GRIP1: variants seen among roughly 807,000 people sequenced by gnomAD.
The protein encoded by GRIP1 is glutamate receptor-interacting protein 1.
Under a neutral mutation model 129.9 loss-of-function variants are expected in GRIP1, and 45 were observed. The ratio of observed to expected loss-of-function variants is 0.35; its 90% confidence interval spans 0.27 to 0.44. The LOEUF is 0.44. GRIP1 is among the 20% of genes least tolerant of loss of function. The pLI is 1.00. For synonymous variants in GRIP1, 530 were observed against 520.8 expected (o/e 1.02, Z -0.24); for missense variants, 1,196 against 1,396.8 (o/e 0.86, Z 2.29).
At chr12:67,001,173 C>A (rs897572438) in intron 1 of GRIP1, among the ~76,000 whole-genome samples, 1 of 152,136 alleles carries the variant, frequency 6.6e-6, no homozygotes, top group Non-Finnish European at 1.5e-5. Flanking sequence ...TCTGGTCCTA[C>A]CAGATATTTT....
intron 1 of GRIP1, among the ~76,000 whole-genome samples, chr12:66,840,731 C>T (rs1387035210): frequency 6.6e-6 from 1 of 152,076 alleles, no homozygotes; most frequent in Non-Finnish European, 1.5e-5. Flanking sequence ...AACAAGAGTC[C>T]CCAAACTCTC....
chr12:66,435,146 A>G (rs1042754348), intron 13 of GRIP1, among the ~76,000 whole-genome samples: 2 of 152,156 alleles, frequency 1.3e-5, no homozygotes, highest in East Asian at 3.9e-4. Context: ...ATGGCCCATA[A>G]GTAAATGTGC....
intron 1 of GRIP1, among the ~76,000 whole-genome samples, chr12:66,931,575 A>G (rs1265509856): frequency 1.3e-5 from 2 of 152,214 alleles, no homozygotes; most frequent in African/African-American, 4.8e-5. Context: ...CTAAGCAAAA[A>G]TAATAGGCAT....
At position 66,445,488 on chromosome 12, in the gene GRIP1, C is replaced by T. The variant is rs1271838825; in HGVS notation, c.1375G>A (p.Val459Ile). 6.2e-7 allele frequency: 1 copy of T among 1,613,576 alleles called. No homozygotes were observed. The highest frequency in any genetic ancestry group is 1.7e-5 in the Admixed American group (1 of 59,998). ...TGAACAACCTGCCCAGCCAATCCTACTGTGCTGGAGGCTAAGGACACTAGA... is the reference window on the plus strand; with the variant it reads ...TGAACAACCTGCCCAGCCAATCCTATTGTGCTGGAGGCTAAGGACACTAGA... Reference protein sequence around the residue: ...KSSLSLASSTVGLAGQVVHTE... With the variant: ...KSSLSLASSTIGLAGQVVHTE... Residue 459 changes from valine to isoleucine, a missense_variant, in exon 12 of 25, where the codon GTA (valine) becomes ATA (isoleucine). By Grantham distance (29) the Val-to-Ile change is conservative. Around this residue, in one of 5 missense-constraint regions of GRIP1, gnomAD observed 508 missense variants for 587.0 expected, o/e 0.87. Coordinates refer to ENST00000359742, the MANE Select transcript of GRIP1 (RefSeq NM_001366722.1).
intron 1 of GRIP1, among the ~76,000 whole-genome samples, chr12:66,874,762 T>C (rs2040355291): frequency 6.6e-6 from 1 of 151,900 alleles, no homozygotes; most frequent in Non-Finnish European, 1.5e-5. Context: ...TGAGAATTTT[T>C]CCCCCATGAT....
intron 1 of GRIP1, among the ~76,000 whole-genome samples, chr12:66,928,335 G>C (rs1194677648): frequency 6.6e-6 from 1 of 152,150 alleles, no homozygotes; most frequent in African/African-American, 2.4e-5. Flanking sequence ...TGTGATTATT[G>C]TTGGGAAAGG....
intron 14 of GRIP1, among the ~76,000 whole-genome samples, chr12:66,425,152 G>T (rs2057939239): frequency 6.6e-6 from 1 of 152,146 alleles, no homozygotes; most frequent in African/African-American, 2.4e-5. Context: ...GCTGAGTAAA[G>T]AATTCTAGGC....
intron 1 of GRIP1, among the ~76,000 whole-genome samples, chr12:66,709,630 C>G (rs943257499): frequency 1.3e-5 from 2 of 151,828 alleles, no homozygotes; most frequent in African/African-American, 4.8e-5. Flanking sequence ...GGAAAGGGTA[C>G]TGTGTTACCT....
chr12:66,908,251 T>C (rs1195193214), intron 1 of GRIP1, among the ~76,000 whole-genome samples: 1 of 152,024 alleles, frequency 6.6e-6, no homozygotes, highest in African/African-American at 2.4e-5. Flanking sequence ...AACACAGCTT[T>C]TTTGGCAGGA....
chr12:66,451,391 T>G (rs1028551165), intron 11 of GRIP1, among the ~76,000 whole-genome samples: 5 of 48,940 alleles, frequency 1.0e-4, no homozygotes, highest in African/African-American at 2.9e-4. Flanking sequence ...CTGTTTTTTT[T>G]TTTTTTTTTT....
chr12:66,972,548 T>C (rs2042089704), intron 1 of GRIP1, among the ~76,000 whole-genome samples: 1 of 152,224 alleles, frequency 6.6e-6, no homozygotes. Flanking sequence ...TATTTAATTT[T>C]CATTTAAATA....
intron 7 of GRIP1, among the ~76,000 whole-genome samples, chr12:66,493,821 T>C (rs1158701517): frequency 2.0e-5 from 3 of 152,226 alleles, no homozygotes; most frequent in African/African-American, 4.8e-5. Flanking sequence ...ACCTTTATTA[T>C]GTTAAGAAGT....
chr12:66,573,318 T>C (rs2063028846), intron 2 of GRIP1, among the ~76,000 whole-genome samples: 1 of 152,092 alleles, frequency 6.6e-6, no homozygotes, highest in Non-Finnish European at 1.5e-5. Flanking sequence ...ATTTGACACC[T>C]TGATTGTAGC....
intron 4 of GRIP1, among the ~76,000 whole-genome samples, chr12:66,536,426 T>G (rs2139169282): frequency 6.6e-6 from 1 of 152,254 alleles, no homozygotes; most frequent in Middle Eastern, 3.4e-3. Flanking sequence ...CTCTTACTGC[T>G]CATTCTGCTA....
At chr12:66,973,556 C>A (rs982141159) in intron 1 of GRIP1, among the ~76,000 whole-genome samples, 2 of 151,988 alleles carry the variant, frequency 1.3e-5, no homozygotes, top group African/African-American at 4.8e-5. Context: ...CTATGTATAT[C>A]AAAAAATCTG....
intron 1 of GRIP1, among the ~76,000 whole-genome samples, chr12:66,714,009 ACAGTCAAATTCCCC>A (rs2035792062): frequency 6.6e-6 from 1 of 152,098 alleles, no homozygotes; most frequent in East Asian, 1.9e-4. Flanking sequence ...GTGACCTAAC[ACAGTCAAATTCCCC>A]ACACTGAAGG....
intron 23 of GRIP1, among the ~76,000 whole-genome samples, chr12:66,363,703 G>C (rs556834536): frequency 6.6e-6 from 1 of 151,986 alleles, no homozygotes; most frequent in East Asian, 1.9e-4. Flanking sequence ...TGAACCTAGA[G>C]GACATTATGT....
At chr12:66,820,879 C>T (rs182328439) in intron 1 of GRIP1, among the ~76,000 whole-genome samples, 3 of 151,590 alleles carry the variant, frequency 2.0e-5, no homozygotes, top group Non-Finnish European at 4.4e-5. Context: ...AGGTGAAGCA[C>T]AAAGGATTTT....
At chr12:66,506,401 C>T (rs77832389) in intron 7 of GRIP1, among the ~76,000 whole-genome samples, 1,839 of 152,286 alleles carry the variant, frequency 0.012, 43 homozygotes, top group East Asian at 0.1. Flanking sequence ...GATACAATCT[C>T]ACAAACATAA....
Sources: gnomAD v4.1 joint callset for allele counts (sites outside exome capture counted in the v4.1 genomes callset) on GRCh38, gnomAD v4.1.1 for gene constraint, gnomAD v4.1.1 regional missense constraint, MANE v1.5 for transcripts, NCBI Gene and HGNC (gene_info 2026-07-23, HGNC 2026-07-21) for gene names.